Variants in THSD7B observed in about 807,000 individuals in gnomAD.
The protein encoded by THSD7B is thrombospondin type 1 domain containing 7B, also known as thrombospondin type-1 domain-containing protein 7B.
Under a neutral mutation model 213.6 loss-of-function variants are expected in THSD7B, and 138 were observed. That is an observed-to-expected ratio of 0.65 (90% CI 0.56 to 0.74). THSD7B has a LOEUF of 0.74. Ranked by LOEUF, THSD7B falls within the 30% of genes least tolerant of loss-of-function variation. The pLI is 0.00. For synonymous variants in THSD7B, 742 were observed against 687.0 expected (o/e 1.08, Z -1.25); for missense variants, 1,931 against 1,991.5 (o/e 0.97, Z 0.58).
At chr2:137,451,107 T>A (rs534529890) in intron 15 of THSD7B, 84 bp downstream of exon 15, 1 of 1,361,202 alleles carries the variant, frequency 7.3e-7, no homozygotes, top group South Asian at 1.7e-5. Context: ...CATTCTCTTA[T>A]TACAAGGAGC....
At chr2:137,556,461 G>T (rs1680970293) in intron 15 of THSD7B, among the ~76,000 whole-genome samples, 1 of 152,082 alleles carries the variant, frequency 6.6e-6, no homozygotes, top group Admixed American at 6.6e-5. Flanking sequence ...AAGTGAAGGA[G>T]AAATAAAATC....
rs570047295 is a variant in THSD7B, at chr2:137,315,440, A to G, written c.2500+39414A>G. On this transcript the variant is annotated intron_variant, in intron 12 of 27. Transcript: ENST00000409968. ...CCTAGTGAGATGAACCCGATACCTC[A>G]GATGGAAATGGAGAAATCACCCGTC... Among the ~76,000 whole-genome samples the G allele has an allele frequency of 1.8e-3, 274 of 152,262 alleles. 1 individual carries two copies. Among genetic ancestry groups the G allele is most frequent in the African/African-American group, 6.4e-3 (266 of 41,562 alleles).
Position 136,882,320 on chromosome 2 carries a change from A to G in THSD7B, c.139+3A>G, listed in dbSNP as rs1446340151. The G allele has an allele frequency of 6.5e-7, 1 of 1,529,130 alleles. No homozygotes were observed. The highest frequency in any genetic ancestry group is 8.8e-7 in the Non-Finnish European group (1 of 1,138,340). 94.7% of individuals were successfully genotyped at this position (1,529,130 alleles called of 1,614,324 possible). A position where few individuals can be genotyped will look rare whatever the true frequency, so the allele number is the denominator to read the frequency against. ...TAATCAGTTCATCTGGAAACCAGGT[A>G]GGAATGTCCTGGCTGTTCCTTTGTC... On this transcript the variant is annotated splice_donor_region_variant and intron_variant, in intron 2 of 27. Transcript: ENST00000409968.
At chr2:136,900,121 G>C (rs190139492) in intron 2 of THSD7B, among the ~76,000 whole-genome samples, 265 of 152,292 alleles carry the variant, frequency 1.7e-3, no homozygotes, top group South Asian at 0.013. Context: ...AAGAGAATCC[G>C]ATCTGAACAC....
intron 7 of THSD7B, among the ~76,000 whole-genome samples, chr2:137,208,895 T>G (rs1681041790): frequency 6.6e-6 from 1 of 152,052 alleles, no homozygotes; most frequent in Non-Finnish European, 1.5e-5. Flanking sequence ...CAGGAGTAAT[T>G]GGGGAAGTTA....
At chr2:137,030,136 A>G (rs753694577) in intron 2 of THSD7B, among the ~76,000 whole-genome samples, 2 of 152,164 alleles carry the variant, frequency 1.3e-5, no homozygotes, top group Non-Finnish European at 2.9e-5. Context: ...TATGTAGAGA[A>G]GGTTGGGTAG....
At chr2:137,012,082 A>G (rs1432241) in intron 2 of THSD7B, among the ~76,000 whole-genome samples, 136,696 of 152,190 alleles carry the variant, frequency 0.9, 61,838 homozygotes, top group East Asian at 1. Context: ...TCAATCAGGC[A>G]AAGTGATAAA....
At chr2:136,786,253 A>G (rs767681060) in intron 1 of THSD7B, among the ~76,000 whole-genome samples, 5 of 152,204 alleles carry the variant, frequency 3.3e-5, no homozygotes, top group Non-Finnish European at 4.4e-5. Context: ...CGGTATACAT[A>G]TATGTATATA....
At chr2:137,270,284 A>G (rs1190652875) in intron 10 of THSD7B, among the ~76,000 whole-genome samples, 2 of 152,038 alleles carry the variant, frequency 1.3e-5, no homozygotes, top group Non-Finnish European at 2.9e-5. Flanking sequence ...ACAGAAGCCA[A>G]TAAGCCGGGG....
chr2:137,020,992 A>G (rs189905303), intron 2 of THSD7B, among the ~76,000 whole-genome samples: 2 of 152,312 alleles, frequency 1.3e-5, no homozygotes, highest in Non-Finnish European at 1.5e-5. Flanking sequence ...CTAGCGAACA[A>G]TGCTTCTCTG....
chr2:137,523,956 T>G (rs1366453739), intron 15 of THSD7B, among the ~76,000 whole-genome samples: 2 of 152,226 alleles, frequency 1.3e-5, no homozygotes, highest in African/African-American at 4.8e-5. Context: ...TGAGGGGATT[T>G]AATTTTATAT....
At chr2:137,141,684 CGTGTGTGT>C in intron 5 of THSD7B, among the ~76,000 whole-genome samples, 1 of 150,466 alleles carries the variant, frequency 6.6e-6, no homozygotes, top group East Asian at 2.0e-4. Context: ...TGTGTATGTG[CGTGTGTGT>C]GTGTGTGTGT....
chr2:136,775,668 T>C, intron 1 of THSD7B, among the ~76,000 whole-genome samples: 1 of 152,108 alleles, frequency 6.6e-6, no homozygotes, highest in East Asian at 1.9e-4. Flanking sequence ...CAATAACTCT[T>C]GAAGAATATA....
chr2:137,120,173 C>T (rs1688522554), intron 5 of THSD7B, among the ~76,000 whole-genome samples: 1 of 152,108 alleles, frequency 6.6e-6, no homozygotes, highest in Non-Finnish European at 1.5e-5. Context: ...GATGACAGTT[C>T]ACATGAGGCC....
intron 2 of THSD7B, among the ~76,000 whole-genome samples, chr2:136,971,639 T>TACACACACACATAC (rs1553461532): frequency 1.5e-5 from 2 of 135,306 alleles, no homozygotes; most frequent in Admixed American, 1.5e-4. Flanking sequence ...CAACAACAAA[T>TACACACACACATAC]ACACACACAC....
intron 12 of THSD7B, among the ~76,000 whole-genome samples, chr2:137,304,656 G>T (rs1683701689): frequency 6.6e-6 from 1 of 151,852 alleles, no homozygotes; most frequent in Admixed American, 6.6e-5. Flanking sequence ...GTATGCTATT[G>T]TTTTTCTAGA....
At chr2:137,251,814 T>A (rs1682183266) in intron 10 of THSD7B, among the ~76,000 whole-genome samples, 1 of 152,226 alleles carries the variant, frequency 6.6e-6, no homozygotes, top group East Asian at 1.9e-4. Context: ...TTAGTGATTC[T>A]AAGACACAAT....
At chr2:137,361,933 A>G (rs1160182641) in intron 12 of THSD7B, among the ~76,000 whole-genome samples, 6 of 152,154 alleles carry the variant, frequency 3.9e-5, no homozygotes, top group Non-Finnish European at 8.8e-5. Flanking sequence ...CATAATTATC[A>G]GATTCACCAA....
At chr2:137,150,276 A>G (rs981029053) in intron 5 of THSD7B, among the ~76,000 whole-genome samples, 7 of 151,992 alleles carry the variant, frequency 4.6e-5, no homozygotes, top group African/African-American at 1.7e-4. Flanking sequence ...AAAAGAAAGA[A>G]ATGTGAAGAC....
Sources: allele counts gnomAD v4.1 joint callset (sites outside exome capture counted in the v4.1 genomes callset), GRCh38; gene constraint gnomAD v4.1.1; transcripts MANE v1.5; gene names NCBI Gene and HGNC (gene_info 2026-07-23, HGNC 2026-07-21).